The following FSTL4 variants were observed in gnomAD, a reference collection of about 807,000 sequenced individuals.
The protein encoded by FSTL4 is follistatin like 4.
FSTL4 carries 28 observed loss-of-function variants against 78.2 expected under a neutral mutation model. The ratio of observed to expected loss-of-function variants is 0.36; its 90% confidence interval spans 0.27 to 0.49. The LOEUF (loss-of-function observed/expected upper bound fraction) is 0.49. Among genes scored for constraint, FSTL4 ranks in the 20% least tolerant of loss-of-function variants. The pLI, the probability that FSTL4 is intolerant of heterozygous loss-of-function variation, is 0.98. For missense variants in FSTL4, 922 were observed against 1,084.9 expected, an observed-to-expected ratio of 0.85 and a Z score of 2.11; for synonymous variants, 422 against 440.5, an observed-to-expected ratio of 0.96 and a Z score of 0.53.
At chr5:133,504,235 G>C (rs1561448794) in intron 3 of FSTL4, among the ~76,000 whole-genome samples, 1 of 152,082 alleles carries the variant, frequency 6.6e-6, no homozygotes, top group Non-Finnish European at 1.5e-5. Context: ...CTGTATTAGT[G>C]TTTAGTGCCT....
chr5:133,384,758 T>C (rs186921515), intron 4 of FSTL4, among the ~76,000 whole-genome samples: 1 of 152,288 alleles, frequency 6.6e-6, no homozygotes, highest in Admixed American at 6.5e-5. Flanking sequence ...TGCCTCCCCT[T>C]GCATCCAGGA....
At chr5:133,623,223 G>A in the FSTL4 span, among the ~76,000 whole-genome samples, 1 of 151,256 alleles carries the variant, frequency 6.6e-6, no homozygotes, top group Non-Finnish European at 1.5e-5. Flanking sequence ...TCTTTTAATA[G>A]AAGAACAAAG....
intron 3 of FSTL4, among the ~76,000 whole-genome samples, chr5:133,408,502 G>A (rs2126977755): frequency 6.8e-6 from 1 of 146,240 alleles, no homozygotes; most frequent in South Asian, 2.3e-4. Flanking sequence ...AGGGGCTGGA[G>A]CCAGAGGCCA....
At chr5:133,293,815 T>A (rs1190091548) in intron 6 of FSTL4, among the ~76,000 whole-genome samples, 1 of 152,238 alleles carries the variant, frequency 6.6e-6, no homozygotes, top group Non-Finnish European at 1.5e-5. Flanking sequence ...AACAAATCTT[T>A]GCACTAATAA....
the FSTL4 span, among the ~76,000 whole-genome samples, chr5:133,639,519 C>T: frequency 6.6e-6 from 1 of 152,192 alleles, no homozygotes; most frequent in Non-Finnish European, 1.5e-5. Context: ...GAGAAGGGCC[C>T]TTGCCCTGTC....
intron 3 of FSTL4, among the ~76,000 whole-genome samples, chr5:133,557,511 G>A (rs963724974): frequency 2.6e-5 from 4 of 152,208 alleles, no homozygotes; most frequent in Non-Finnish European, 4.4e-5. Flanking sequence ...CCAGCGGTAT[G>A]GCTGGTGACT....
At chr5:133,507,735 A>G (rs554004189) in intron 3 of FSTL4, among the ~76,000 whole-genome samples, 5 of 151,868 alleles carry the variant, frequency 3.3e-5, no homozygotes, top group African/African-American at 1.2e-4. Context: ...GTTGGCCAGG[A>G]TGGTCTCAAT....
chr5:133,648,532 A>G, the FSTL4 span, among the ~76,000 whole-genome samples: 2 of 152,156 alleles, frequency 1.3e-5, no homozygotes, highest in Non-Finnish European at 2.9e-5. Context: ...GTAGGCATTC[A>G]TCAACCCCCT....
rs148743446 is a variant in FSTL4, at chr5:133,225,717, G to C, written c.1118C>G (p.Thr373Ser). The C allele has an allele frequency of 6.2e-7, 1 of 1,612,426 alleles. No homozygotes were observed. Among genetic ancestry groups the C allele is most frequent in the South Asian group, 1.1e-5 (1 of 90,752 alleles). ...GACATCCACGCCGTTTTTCAGCCAA[G>C]TGATTCTGGGCATGGGAATGCCCTC... is the stretch of plus-strand genomic sequence containing the variant. Reference protein sequence around the residue: ...HAEGIPMPRITWLKNGVDVST... With the variant: ...HAEGIPMPRISWLKNGVDVST... The change falls in exon 9 of 16, where the codon ACT (threonine) becomes AGT (serine). Residue 373 changes from threonine to serine, a missense_variant. Thr to Ser is a moderately conservative substitution (Grantham distance 58, BLOSUM62 1). Coordinates refer to ENST00000265342, the MANE Select transcript of FSTL4 (RefSeq NM_015082.2). The surrounding 1 kb of genome is among the most constrained non-coding windows in gnomAD (Gnocchi z 4.6).
chr5:133,793,928 G>A, the FSTL4 span, among the ~76,000 whole-genome samples: 1 of 152,214 alleles, frequency 6.6e-6, no homozygotes, highest in South Asian at 2.1e-4. Flanking sequence ...TGAATTCTGT[G>A]GGATTTGTAG....
chr5:133,294,439 AC>A lies in FSTL4; in HGVS notation c.727+18214del, dbSNP rs371664629. 5.7e-4 allele frequency among the ~76,000 whole-genome samples: 86 copies of A among 151,382 alleles called. 3 individuals carry two copies. The East Asian group carries it at 0.014, about 25-fold the overall frequency. On this transcript the variant is annotated intron_variant, in intron 6 of 15. Transcript: ENST00000265342. ...AACCTGCTCTCAGGGAGAAAGGGAA[AC>A]CCCCGTGCATGCTCCACGTGCCACC...
rs570868588 is a variant in FSTL4 at position 133,440,478 on chromosome 5, C to T, written c.161-39492G>A. Among the ~76,000 whole-genome samples the T allele has an allele frequency of 6.6e-6, 1 of 152,324 alleles. No homozygotes were observed. The highest frequency in any genetic ancestry group is 1.5e-5 in the Non-Finnish European group (1 of 68,026). On this transcript the variant is annotated intron_variant, in intron 3 of 15. Coordinates refer to ENST00000265342, the MANE Select transcript of FSTL4 (RefSeq NM_015082.2). The surrounding 1 kb of genome is among the most constrained non-coding windows in gnomAD (Gnocchi z 4.1). ...TACATCTGGCTGGCCGACCAAGCTG[C>T]TTATGGCAATGTCAGGCTTGAGCTG...
chr5:133,406,327 A>G (rs1756362013), intron 3 of FSTL4, among the ~76,000 whole-genome samples: 1 of 152,222 alleles, frequency 6.6e-6, no homozygotes, highest in South Asian at 2.1e-4. Context: ...AGGCAGACTC[A>G]GTCTGCAGGG....
chr5:133,766,945 G>C, the FSTL4 span, among the ~76,000 whole-genome samples: 8 of 152,324 alleles, frequency 5.3e-5, no homozygotes, highest in East Asian at 1.5e-3. Flanking sequence ...CTAGGTGGAG[G>C]ACAAGGCTTG....
intron 3 of FSTL4, among the ~76,000 whole-genome samples, chr5:133,416,136 C>T (rs931712075): frequency 6.6e-6 from 1 of 152,154 alleles, no homozygotes; most frequent in Non-Finnish European, 1.5e-5. Context: ...TAGCCTAGAA[C>T]ATCTTGTACC....
intron 3 of FSTL4, among the ~76,000 whole-genome samples, chr5:133,417,056 A>T (rs1002591257): frequency 6.6e-6 from 1 of 152,272 alleles, no homozygotes; most frequent in Non-Finnish European, 1.5e-5. Context: ...ACTAGGATAC[A>T]GAAGTTTGAA....
At chr5:133,432,684 C>T (rs995380970) in intron 3 of FSTL4, among the ~76,000 whole-genome samples, 25 of 152,308 alleles carry the variant, frequency 1.6e-4, no homozygotes, top group African/African-American at 5.8e-4. Flanking sequence ...CAGAAATCTG[C>T]TCCTTACAAA....
intron 5 of FSTL4, 62 bp from the exon 6 acceptor site, chr5:133,312,839 GA>G: frequency 6.4e-7 from 1 of 1,566,568 alleles, no homozygotes; most frequent in Non-Finnish European, 8.7e-7. Context: ...AGGCATTGAT[GA>G]AAATGACTCA....
chr5:133,400,307 C>T (rs1024617270), intron 4 of FSTL4, among the ~76,000 whole-genome samples: 6 of 152,316 alleles, frequency 3.9e-5, no homozygotes, highest in Non-Finnish European at 2.9e-5. Context: ...GTCCTTGTCA[C>T]GCTGGAAGAC....
Sources: gnomAD v4.1 joint callset for allele counts (sites outside exome capture counted in the v4.1 genomes callset) on GRCh38, gnomAD v4.1.1 for gene constraint, Gnocchi (gnomAD v3.1) non-coding constraint, MANE v1.5 for transcripts, NCBI Gene and HGNC (gene_info 2026-07-23, HGNC 2026-07-21) for gene names.